SAMD4A: variants seen among roughly 807,000 people sequenced by gnomAD.
SAMD4A encodes the protein protein Smaug homolog 1.
A neutral mutation model predicts 81.3 loss-of-function variants in SAMD4A; 33 were observed. The observed-to-expected ratio is 0.41, with a 90% CI of 0.31 to 0.54. SAMD4A has a LOEUF of 0.54. Ranked by LOEUF, SAMD4A falls within the 20% of genes least tolerant of loss-of-function variation. The probability of loss-of-function intolerance (pLI) is 0.37; values close to 1 mark genes in which losing one functional copy is unlikely to be tolerated. For synonymous variants in SAMD4A, 389 were observed against 382.1 expected, an observed-to-expected ratio of 1.02 and a Z score of -0.21; for missense variants, 854 against 951.1, an observed-to-expected ratio of 0.90 and a Z score of 1.34.
At chr14:54,720,945 C>T (rs1383722916) in intron 3 of SAMD4A, among the ~76,000 whole-genome samples, 6 of 152,160 alleles carry the variant, frequency 3.9e-5, no homozygotes, top group Non-Finnish European at 7.4e-5. Flanking sequence ...CCCTCATGTC[C>T]TTCTGTCTTC....
intron 3 of SAMD4A, among the ~76,000 whole-genome samples, chr14:54,715,704 AAG>A (rs1437340082): frequency 5.3e-5 from 8 of 152,166 alleles, no homozygotes; most frequent in Non-Finnish European, 1.2e-4. Context: ...TTAGTGAAGA[AAG>A]AGGGGAAAAA....
At chr14:54,769,637 C>T (rs2038648418) in intron 8 of SAMD4A, among the ~76,000 whole-genome samples, 1 of 152,088 alleles carries the variant, frequency 6.6e-6, no homozygotes, top group Non-Finnish European at 1.5e-5. Context: ...GAATATAGTC[C>T]ATTCTCTGAC....
At chr14:54,727,963 G>A (rs1387035025) in intron 3 of SAMD4A, among the ~76,000 whole-genome samples, 1 of 152,168 alleles carries the variant, frequency 6.6e-6, no homozygotes, top group Non-Finnish European at 1.5e-5. Context: ...CACCCTCACA[G>A]CCTGTTCTTT....
At chr14:54,779,346 A>C (rs2139959702) in intron 11 of SAMD4A, among the ~76,000 whole-genome samples, 1 of 152,342 alleles carries the variant, frequency 6.6e-6, no homozygotes, top group South Asian at 2.1e-4. Context: ...AAAAGTAGAT[A>C]CTCGGAAAAC....
At chr14:54,724,120 C>G (rs181787759) in intron 3 of SAMD4A, among the ~76,000 whole-genome samples, 1 of 152,216 alleles carries the variant, frequency 6.6e-6, no homozygotes, top group Admixed American at 6.5e-5. Context: ...TAAGGTATTA[C>G]CATTATTGTA....
At chr14:54,655,301 T>C (rs980971340) in intron 2 of SAMD4A, among the ~76,000 whole-genome samples, 3 of 152,238 alleles carry the variant, frequency 2.0e-5, no homozygotes, top group Admixed American at 2.0e-4. Flanking sequence ...GCACACACTT[T>C]CCTTGAGGAA....
At chr14:54,679,680 T>C (rs1189722497) in intron 2 of SAMD4A, among the ~76,000 whole-genome samples, 1 of 152,044 alleles carries the variant, frequency 6.6e-6, no homozygotes, top group African/African-American at 2.4e-5. Context: ...TGGAAGACCA[T>C]TTTGTGTATT....
At chr14:54,754,547 C>G (rs1056396816) in intron 6 of SAMD4A, among the ~76,000 whole-genome samples, 1 of 152,180 alleles carries the variant, frequency 6.6e-6, no homozygotes, top group African/African-American at 2.4e-5. Flanking sequence ...CCTGGCCCTC[C>G]TCTGTCTTCT....
chr14:54,746,243 G>A (rs772854696), intron 4 of SAMD4A, among the ~76,000 whole-genome samples: 18 of 152,192 alleles, frequency 1.2e-4, no homozygotes, highest in East Asian at 3.9e-4. Context: ...TTGTTTTTCC[G>A]TTCTCCTTAC....
intron 2 of SAMD4A, among the ~76,000 whole-genome samples, chr14:54,699,045 C>A (rs2140722334): frequency 6.6e-6 from 1 of 152,026 alleles, no homozygotes; most frequent in East Asian, 1.9e-4. Flanking sequence ...AGAAGTCATT[C>A]CTAATTTTTA....
chr14:54,737,912 T>A (rs1057134076), intron 4 of SAMD4A, among the ~76,000 whole-genome samples: 4 of 151,628 alleles, frequency 2.6e-5, no homozygotes, highest in Non-Finnish European at 4.4e-5. Flanking sequence ...AGGCCTTTTG[T>A]GTAGCATAAA....
intron 8 of SAMD4A, 131 bp from the exon 9 acceptor site, chr14:54,769,973 T>C (rs1410608801): frequency 1.7e-5 from 11 of 652,230 alleles, no homozygotes; most frequent in Non-Finnish European, 3.0e-5. Flanking sequence ...TGACTACGTT[T>C]GGACCAGGTT....
At chr14:54,697,696 A>G (rs1471836392) in intron 2 of SAMD4A, among the ~76,000 whole-genome samples, 1 of 152,240 alleles carries the variant, frequency 6.6e-6, no homozygotes, top group Non-Finnish European at 1.5e-5. Context: ...TGTATTAATT[A>G]ACTTAGCAGC....
At chr14:54,775,261 C>G in intron 10 of SAMD4A, 126 bp downstream of exon 10, 1 of 998,518 alleles carries the variant, frequency 1.0e-6, no homozygotes. Flanking sequence ...CAGTTGCCAC[C>G]ATTCCTCAGA....
At chr14:54,667,312 A>G (rs1476988725) in intron 2 of SAMD4A, among the ~76,000 whole-genome samples, 1 of 152,080 alleles carries the variant, frequency 6.6e-6, no homozygotes, top group Non-Finnish European at 1.5e-5. Context: ...TGGAAATGAT[A>G]ATGCTTACTG....
At chr14:54,570,707 C>T (rs11628105) in intron 2 of SAMD4A, among the ~76,000 whole-genome samples, 4,610 of 152,172 alleles carry the variant, frequency 0.03, 104 homozygotes, top group South Asian at 0.075. Flanking sequence ...CTGTTGTTAA[C>T]GGTGAACTAT....
intron 2 of SAMD4A, among the ~76,000 whole-genome samples, chr14:54,688,904 A>G (rs2036352716): frequency 7.1e-6 from 1 of 141,110 alleles, no homozygotes; most frequent in Admixed American, 6.9e-5. Context: ...CAGTAGATCT[A>G]TAGAGAGGGT....
intron 2 of SAMD4A, among the ~76,000 whole-genome samples, chr14:54,581,634 T>C (rs901783503): frequency 6.6e-6 from 1 of 152,230 alleles, no homozygotes; most frequent in Non-Finnish European, 1.5e-5. Flanking sequence ...AGTGTTGTAT[T>C]GTGACCTCTG....
intron 2 of SAMD4A, among the ~76,000 whole-genome samples, chr14:54,609,519 C>T (rs2034302823): frequency 6.6e-6 from 1 of 152,218 alleles, no homozygotes; most frequent in African/African-American, 2.4e-5. Context: ...GAAAAGAATA[C>T]AATTCCAGCA....
Sources: allele counts gnomAD v4.1 joint callset (sites outside exome capture counted in the v4.1 genomes callset), GRCh38; gene constraint gnomAD v4.1.1; transcripts MANE v1.5; gene names NCBI Gene and HGNC (gene_info 2026-07-23, HGNC 2026-07-21).